CAND2: variants seen among roughly 807,000 people sequenced by gnomAD.
The protein encoded by CAND2 is cullin-associated NEDD8-dissociated protein 2.
Under a neutral mutation model 98.9 loss-of-function variants are expected in CAND2, and 62 were observed. The observed-to-expected ratio is 0.63, with a 90% confidence interval of 0.51 to 0.77. CAND2 has a LOEUF of 0.77. CAND2 is among the 30% of genes least tolerant of loss of function. CAND2 has a pLI of 0.00. For synonymous variants in CAND2, 770 were observed against 731.9 expected (o/e 1.05, Z -0.84); for missense variants, 1,501 against 1,655.2 (o/e 0.91, Z 1.62).
At chr3:12,804,799 C>T (rs188422828) in intron 2 of CAND2, among the ~76,000 whole-genome samples, 1 of 152,248 alleles carries the variant, frequency 6.6e-6, no homozygotes, top group East Asian at 1.9e-4. Context: ...TGTCTGTGAG[C>T]TGGGTCCAGG....
chr3:12,810,365 C>T (rs373857727), intron 5 of CAND2, 41 bp downstream of exon 5: 147 of 1,393,466 alleles, frequency 1.1e-4, no homozygotes, highest in Non-Finnish European at 1.3e-4. Flanking sequence ...GCATGGTGGG[C>T]GGAGCTTAGG....
rs531439250 is a variant in CAND2 at position 12,812,221 on chromosome 3, C to CTTTTTTTTTTTTTTTTTTT, written c.758-768_758-750dup. On this transcript the variant is annotated intron_variant, in intron 5 of 14. Transcript: ENST00000456430. ...ACCATGCCCGGCCTAAGCTGTTTAT[C>CTTTTTTTTTTTTTTTTTTT]TTTTTTTTTTTTTTTTTTTGGAGAT... Among the ~76,000 whole-genome samples, 144 of 74,504 alleles carry CTTTTTTTTTTTTTTTTTTT rather than the reference C, an allele frequency of 1.9e-3. 33 individuals are homozygous for CTTTTTTTTTTTTTTTTTTT. The highest frequency in any genetic ancestry group is 6.3e-3 in the East Asian group (16 of 2,542). 48.9% of individuals were successfully genotyped at this position (74,504 alleles called of 152,430 possible).
intron 7 of CAND2, among the ~76,000 whole-genome samples, chr3:12,814,729 A>G (rs1407904174): frequency 1.3e-5 from 2 of 152,152 alleles, no homozygotes; most frequent in East Asian, 3.9e-4. Flanking sequence ...CCAAGTCTAC[A>G]TGAAGACTTG....
At chr3:12,816,150 C>T (rs1225755380) in intron 9 of CAND2, 142 bp downstream of exon 9, 6 of 885,110 alleles carry the variant, frequency 6.8e-6, no homozygotes, top group Non-Finnish European at 1.0e-5. Flanking sequence ...CTCCAGTGGC[C>T]TCCCACTACC....
At chr3:12,821,336 G>A (rs1457596758) in intron 11 of CAND2, among the ~76,000 whole-genome samples, 1 of 152,106 alleles carries the variant, frequency 6.6e-6, no homozygotes, top group African/African-American at 2.4e-5. Context: ...GGAGGCAGAG[G>A]TTGCAGTGAG....
rs1463856313 is a variant in CAND2 at position 12,796,702 on chromosome 3, T to C, written c.-19T>C. On this transcript the variant is annotated 5_prime_UTR_variant, in exon 1 of 15. Coordinates refer to ENST00000456430, the MANE Select transcript of CAND2 (RefSeq NM_001162499.2). ...GCCATATTCCCTCCCGCCGGCCGGC[T>C]CCGCGGCGCGCAGCCACCATGAGCA... 6.4e-7 allele frequency: 1 copy of C among 1,565,876 alleles called. No individual in the cohort carries two copies. The highest frequency in any genetic ancestry group is 1.2e-5 in the South Asian group (1 of 85,310).
chr3:12,826,439 T>A (rs1271202930), intron 12 of CAND2, among the ~76,000 whole-genome samples: 1 of 152,090 alleles, frequency 6.6e-6, no homozygotes. Flanking sequence ...TTTTGTTGTT[T>A]TTTTTTGAGA....
At chr3:12,797,839 G>A (rs1268828607) in intron 1 of CAND2, among the ~76,000 whole-genome samples, 1 of 152,198 alleles carries the variant, frequency 6.6e-6, no homozygotes, top group African/African-American at 2.4e-5. Context: ...AGATCTTAGT[G>A]AGGTCCTCTG....
intron 13 of CAND2, among the ~76,000 whole-genome samples, chr3:12,829,061 T>G (rs929186512): frequency 1.3e-5 from 2 of 152,234 alleles, no homozygotes; most frequent in African/African-American, 2.4e-5. Context: ...TCTCTTCACT[T>G]TACCCAGAAG....
intron 14 of CAND2, among the ~76,000 whole-genome samples, chr3:12,833,239 CAG>C (rs753909353): frequency 2.8e-4 from 42 of 152,294 alleles, no homozygotes; most frequent in African/African-American, 9.1e-4. Context: ...GAAGAGGAAA[CAG>C]AAACTGCAGG....
intron 4 of CAND2, among the ~76,000 whole-genome samples, chr3:12,809,500 A>G (rs1300291807): frequency 6.6e-6 from 1 of 152,222 alleles, no homozygotes; most frequent in Non-Finnish European, 1.5e-5. Flanking sequence ...AGATGTTTAC[A>G]GGACAGAAAA....
intron 14 of CAND2, chr3:12,832,248 A>G (rs1265157647): frequency 6.6e-6 from 1 of 152,242 alleles, no homozygotes; most frequent in African/African-American, 2.4e-5. Context: ...TAAAATTGGT[A>G]GTTTATTCAT....
At chr3:12,827,746 A>G in intron 13 of CAND2, 142 bp downstream of exon 13, 1 of 792,642 alleles carries the variant, frequency 1.3e-6, no homozygotes, top group Non-Finnish European at 1.9e-6. Context: ...TGATAAGAAA[A>G]GGAACCTGTG....
intron 10 of CAND2, among the ~76,000 whole-genome samples, chr3:12,818,824 G>T (rs966661581): frequency 1.3e-5 from 2 of 152,230 alleles, no homozygotes; most frequent in Non-Finnish European, 2.9e-5. Context: ...CAGTTGTCTG[G>T]CCTCAGGACT....
At position 12,796,741 on chromosome 3, in the gene CAND2, C is replaced by T; in HGVS notation, c.21C>T (p.His7=). The change falls in exon 1 of 15, where the codon CAC becomes CAT. Residue 7 remains histidine, a synonymous_variant. Transcript: ENST00000456430. MSTAAF[H]ISSLLEKMTS... is the part of the protein sequence containing the mutation. ...CCACCATGAGCACCGCCGCCTTCCACATCTCCAGCCTCCTGGAGAAGATGA... is the reference window on the plus strand; with the variant it reads ...CCACCATGAGCACCGCCGCCTTCCATATCTCCAGCCTCCTGGAGAAGATGA... 1 of 1,589,126 alleles carries T rather than the reference C, an allele frequency of 6.3e-7. No homozygotes were observed. Among genetic ancestry groups the T allele is most frequent in the South Asian group, 1.1e-5 (1 of 87,446 alleles).
In CAND2 at chr3:12,810,227, C is replaced by T. The variant is rs1181978554; in HGVS notation, c.660C>T (p.Asp220=). 1 of 1,537,670 alleles carries T rather than the reference C, an allele frequency of 6.5e-7. No individual in the cohort carries two copies. Among genetic ancestry groups the T allele is most frequent in the South Asian group, 1.2e-5 (1 of 82,972 alleles). ...LFVELADHLL[D]RLPGPRVPTS... ...TCGAGCTCGCTGACCACCTACTGGA[C>T]CGGCTGCCCGGCCCGCGGGTGCCCA... The change falls in exon 5 of 15, where the codon GAC becomes GAT. Residue 220 remains aspartate, a synonymous_variant. Coordinates refer to ENST00000456430, the MANE Select transcript of CAND2 (RefSeq NM_001162499.2).
rs373549171 is a variant in CAND2 at position 12,825,502 on chromosome 3, C to G, written c.3073C>G (p.Leu1025Val). 1 of 1,570,136 alleles carries G rather than the reference C, an allele frequency of 6.4e-7. No homozygotes were observed. The highest frequency in any genetic ancestry group is 1.2e-5 in the South Asian group (1 of 85,604). Reference sequence around the variant, plus strand: ...CATGGAGAGCCTGCAGGACCCAGACCTGAACGTGCGCCGTGCGACTCTGGC... The same window carrying G: ...CATGGAGAGCCTGCAGGACCCAGACGTGAACGTGCGCCGTGCGACTCTGGC... ...EFMESLQDPDLNVRRATLAFF... is the reference protein window; with the variant it reads ...EFMESLQDPDVNVRRATLAFF... The change falls in exon 12 of 15, where the codon CTG becomes GTG. Residue 1025 changes from leucine to valine, a missense_variant. By Grantham distance (32) the Leu-to-Val change is conservative. This residue lies in a region of CAND2 where 1,427 missense variants were observed against 1,545.3 expected (regional missense o/e 0.92). Coordinates refer to ENST00000456430, the MANE Select transcript of CAND2 (RefSeq NM_001162499.2).
At chr3:12,828,336 GTTT>G (rs576931018) in intron 13 of CAND2, among the ~76,000 whole-genome samples, 4 of 122,244 alleles carry the variant, frequency 3.3e-5, no homozygotes, top group African/African-American at 9.5e-5. Context: ...CAGGTGAAGT[GTTT>G]TTTTTTTTTT....
chr3:12,816,654 C>G lies in CAND2; in HGVS notation c.1722C>G (p.Thr574=), dbSNP rs1240507366. The G allele has an allele frequency of 6.2e-7, 1 of 1,613,788 alleles. No individual in the cohort carries two copies. The highest frequency in any genetic ancestry group is 8.5e-7 in the Non-Finnish European group (1 of 1,180,040). The change falls in exon 10 of 15, where the codon ACC becomes ACG. Residue 574 remains threonine (T), a synonymous_variant. Transcript: ENST00000456430. ...ATGTTGGAGAGATGTCTGCTGTCAC[C>G]CTGGCGCGACTTCGTGCCACTGACC... ...EPYVGEMSAV[T]LARLRATDLD...
Sources: gnomAD v4.1 joint callset for allele counts (sites outside exome capture counted in the v4.1 genomes callset) on GRCh38, gnomAD v4.1.1 for gene constraint, gnomAD v4.1.1 regional missense constraint, MANE v1.5 for transcripts, NCBI Gene and HGNC (gene_info 2026-07-23, HGNC 2026-07-21) for gene names.